WDFY2: variants seen among roughly 807,000 people sequenced by gnomAD.
WDFY2 encodes WD repeat and FYVE domain-containing protein 2.
WDFY2 carries 36 observed loss-of-function variants against 56.4 expected under a neutral mutation model. The observed-to-expected ratio is 0.64, with a 90% CI of 0.49 to 0.84. WDFY2 has a LOEUF of 0.84. Ranked by LOEUF, WDFY2 falls within the 40% of genes least tolerant of loss-of-function variation. WDFY2 has a pLI of 0.00. For missense variants in WDFY2, 444 were observed against 512.2 expected (o/e 0.87, Z 1.29); for synonymous variants, 176 against 183.7 (o/e 0.96, Z 0.34).
chr13:51,719,409 T>G, intron 5 of WDFY2, 61 bp downstream of exon 5: 1 of 1,504,686 alleles, frequency 6.6e-7, no homozygotes. Flanking sequence ...CTTTGATTCA[T>G]GAAATTTTGG....
chr13:51,651,403 GTCTC>G (rs926272601), intron 1 of WDFY2, among the ~76,000 whole-genome samples: 2 of 151,924 alleles, frequency 1.3e-5, no homozygotes, highest in African/African-American at 4.8e-5. Context: ...ATTTTTTTGT[GTCTC>G]TATCTCCTTC....
At chr13:51,732,635 T>TA (rs1952749549) in intron 6 of WDFY2, among the ~76,000 whole-genome samples, 1 of 152,184 alleles carries the variant, frequency 6.6e-6, no homozygotes, top group Non-Finnish European at 1.5e-5. Flanking sequence ...ATAACAAGAA[T>TA]AACTAAACAA....
chr13:51,738,911 C>T, intron 6 of WDFY2, 138 bp from the exon 7 acceptor site: 1 of 1,134,698 alleles, frequency 8.8e-7, no homozygotes, highest in Non-Finnish European at 1.2e-6. Flanking sequence ...TCTTTGGGGA[C>T]TTACTTGATT....
rs547237186 is a variant in WDFY2, at chr13:51,675,683, C to G, written c.279+440C>G. On this transcript the variant is annotated intron_variant, in intron 3 of 11. Coordinates refer to ENST00000298125, the MANE Select transcript of WDFY2 (RefSeq NM_052950.4). ...ACTCTGTGTTCTTTCTTTGTTCCTT[C>G]TGCTTCTTGTTTTTTCCAGCTCCCT... Among the ~76,000 whole-genome samples, 4 of 152,266 alleles carry G rather than the reference C, an allele frequency of 2.6e-5. No homozygotes were observed. In the South Asian group the frequency reaches 8.3e-4, roughly 32 times the overall value.
chr13:51,622,386 A>AT (rs1954748617), intron 1 of WDFY2, among the ~76,000 whole-genome samples: 3 of 152,254 alleles, frequency 2.0e-5, no homozygotes, highest in Admixed American at 2.0e-4. Flanking sequence ...ATAAGCCCAC[A>AT]TACATTTCTT....
chr13:51,605,905 A>T (rs1174455121), intron 1 of WDFY2, among the ~76,000 whole-genome samples: 1 of 152,194 alleles, frequency 6.6e-6, no homozygotes, highest in Non-Finnish European at 1.5e-5. Context: ...CTTCCAGGAC[A>T]ATTCGTCTTT....
chr13:51,654,243 A>G (rs186238695), intron 1 of WDFY2, among the ~76,000 whole-genome samples: 28 of 152,216 alleles, frequency 1.8e-4, no homozygotes, highest in Non-Finnish European at 2.1e-4. Flanking sequence ...GTTTGCTAAG[A>G]CTGTCGGAAA....
chr13:51,613,682 AT>A (rs577776268), intron 1 of WDFY2, among the ~76,000 whole-genome samples: 6 of 150,004 alleles, frequency 4.0e-5, no homozygotes, highest in Admixed American at 1.3e-4. Flanking sequence ...CTTAGCTGTG[AT>A]TTTTTTTTTC....
chr13:51,668,651 C>A (rs1035266903), intron 2 of WDFY2, among the ~76,000 whole-genome samples: 1 of 152,128 alleles, frequency 6.6e-6, no homozygotes, highest in Admixed American at 6.5e-5. Flanking sequence ...CTATTGAAGA[C>A]CCTCTTATTG....
intron 7 of WDFY2, among the ~76,000 whole-genome samples, chr13:51,748,796 G>T (rs999659072): frequency 1.3e-5 from 2 of 152,130 alleles, no homozygotes; most frequent in Non-Finnish European, 2.9e-5. Context: ...AAAACTGAGG[G>T]AACTTAGCCA....
At chr13:51,586,045 A>G (rs897701775) in intron 1 of WDFY2, 3 of 398,478 alleles carry the variant, frequency 7.5e-6, no homozygotes, top group African/African-American at 6.2e-5. Flanking sequence ...AAACATTGTA[A>G]ACATACACCA....
intron 1 of WDFY2, chr13:51,589,408 A>G (rs906404624): frequency 9.2e-5 from 14 of 152,086 alleles, no homozygotes; most frequent in African/African-American, 3.4e-4. Context: ...CGAAGTGGCC[A>G]TGACTACTTG....
At chr13:51,731,490 C>T (rs572218186) in intron 6 of WDFY2, among the ~76,000 whole-genome samples, 1 of 152,168 alleles carries the variant, frequency 6.6e-6, no homozygotes, top group Admixed American at 6.5e-5. Flanking sequence ...CTAGGAAGGT[C>T]ACTAACTAAC....
intron 1 of WDFY2, among the ~76,000 whole-genome samples, chr13:51,603,455 A>T (rs1479929819): frequency 1.3e-5 from 2 of 152,128 alleles, no homozygotes; most frequent in Admixed American, 6.6e-5. Context: ...AAAGGGTGAG[A>T]GGCACCTCTT....
At chr13:51,675,350 G>T in intron 3 of WDFY2, 107 bp downstream of exon 3, 1 of 1,072,644 alleles carries the variant, frequency 9.3e-7, no homozygotes, top group South Asian at 1.5e-5. Context: ...TTCTTGCTAA[G>T]TAGAATGAAA....
chr13:51,623,928 C>T lies in WDFY2; in HGVS notation c.138-36668C>T, dbSNP rs143346108. Among the ~76,000 whole-genome samples the T allele has an allele frequency of 3.1e-3, 475 of 152,086 alleles. 3 individuals are homozygous for T. Among genetic ancestry groups the T allele is most frequent in the African/African-American group, 0.011 (456 of 41,460 alleles). On this transcript the variant is annotated intron_variant, in intron 1 of 11. Coordinates refer to ENST00000298125, the MANE Select transcript of WDFY2 (RefSeq NM_052950.4). ...CTCCACACCATCCCTGCCCTGCACA[C>T]CAAGCTTTTAAAACAAAGAGGCAGA...
intron 3 of WDFY2, among the ~76,000 whole-genome samples, chr13:51,675,992 C>G (rs1955880478): frequency 6.6e-6 from 1 of 152,086 alleles, no homozygotes; most frequent in African/African-American, 2.4e-5. Context: ...CGAGAGAAGC[C>G]CTGCTTCAGA....
chr13:51,686,481 C>T (rs1956064223), intron 3 of WDFY2, among the ~76,000 whole-genome samples: 1 of 152,118 alleles, frequency 6.6e-6, no homozygotes, highest in Non-Finnish European at 1.5e-5. Context: ...TTTGCCACCT[C>T]AGATTTAACA....
At chr13:51,674,500 C>G (rs1955855019) in intron 2 of WDFY2, among the ~76,000 whole-genome samples, 2 of 152,108 alleles carry the variant, frequency 1.3e-5, no homozygotes, top group Non-Finnish European at 2.9e-5. Context: ...ACAGGGAGAA[C>G]CAGTCCAGGC....
Sources: allele counts gnomAD v4.1 joint callset (sites outside exome capture counted in the v4.1 genomes callset), GRCh38; gene constraint gnomAD v4.1.1; transcripts MANE v1.5; gene names NCBI Gene and HGNC (gene_info 2026-07-23, HGNC 2026-07-21).